Variants in CTNNBL1 observed in about 807,000 individuals in gnomAD.
CTNNBL1 encodes the protein catenin beta like 1, also known as beta-catenin-like protein 1.
Under a neutral mutation model 72.7 loss-of-function variants are expected in CTNNBL1, and 31 were observed. The observed-to-expected ratio is 0.43, with a 90% CI of 0.32 to 0.58. The LOEUF (loss-of-function observed/expected upper bound fraction) is 0.58, where lower values mean the gene tolerates loss of function less well. Among genes scored for constraint, CTNNBL1 ranks in the 20% least tolerant of loss-of-function variants. The pLI, the probability that CTNNBL1 is intolerant of heterozygous loss-of-function variation, is 0.08. For missense variants in CTNNBL1, 534 were observed against 725.1 expected (o/e 0.74, Z 3.03); for synonymous variants, 240 against 267.3 (o/e 0.90, Z 1.00).
chr20:37,796,903 A>T (rs2073779751), intron 10 of CTNNBL1, among the ~76,000 whole-genome samples: 1 of 152,154 alleles, frequency 6.6e-6, no homozygotes, highest in Non-Finnish European at 1.5e-5. Context: ...CATGTTACTT[A>T]CATTCACGGT....
chr20:37,787,555 G>A (rs938977360), intron 10 of CTNNBL1, among the ~76,000 whole-genome samples: 27 of 151,930 alleles, frequency 1.8e-4, no homozygotes, highest in African/African-American at 5.6e-4. Context: ...CGTTTTAGCC[G>A]GGATGGTCTC....
intron 1 of CTNNBL1, among the ~76,000 whole-genome samples, chr20:37,697,264 C>T (rs1276014847): frequency 4.6e-5 from 7 of 152,138 alleles, no homozygotes; most frequent in Non-Finnish European, 7.3e-5. Context: ...GACAACACTC[C>T]TGTCGAAAAT....
intron 1 of CTNNBL1, among the ~76,000 whole-genome samples, chr20:37,702,962 C>T (rs1043892143): frequency 6.6e-6 from 1 of 152,318 alleles, no homozygotes; most frequent in African/African-American, 2.4e-5. Context: ...TGTTGGCCTA[C>T]ATCTCTGTGC....
intron 1 of CTNNBL1, among the ~76,000 whole-genome samples, chr20:37,718,358 G>A (rs1293296406): frequency 1.4e-5 from 2 of 143,142 alleles, no homozygotes; most frequent in African/African-American, 2.8e-5. Flanking sequence ...CAGTAGGGGC[G>A]GCCGGGCAGA....
At position 37,859,908 on chromosome 20, in the gene CTNNBL1, C is replaced by T. The variant is rs779458238; in HGVS notation, c.1402C>T (p.Arg468Trp). 22 of 1,613,492 alleles carry T rather than the reference C, an allele frequency of 1.4e-5. No homozygotes were observed. The highest frequency in any genetic ancestry group is 1.6e-4 in the Middle Eastern group (1 of 6,084). Residue 468 changes from arginine to tryptophan, a missense_variant, in exon 14 of 16, where the codon CGG (arginine) becomes TGG (tryptophan). Physicochemically the swap from Arg to Trp is moderately radical, Grantham distance 101. Transcript: ENST00000361383. ...GTTCATTTGTTTCTAGGACATGGTC[C>T]GGCGAGGAGAGATCATCGACAATGA... is the stretch of plus-strand genomic sequence containing the variant. ...KIEGEKHDMVRRGEIIDNDTE... is the reference protein window; with the variant it reads ...KIEGEKHDMVWRGEIIDNDTE...
intron 1 of CTNNBL1, among the ~76,000 whole-genome samples, chr20:37,696,797 A>G (rs2072797056): frequency 6.6e-6 from 1 of 152,214 alleles, no homozygotes; most frequent in African/African-American, 2.4e-5. Flanking sequence ...TGTTGAATAA[A>G]TGATAACACT....
At chr20:37,698,121 A>G (rs16986890) in intron 1 of CTNNBL1, among the ~76,000 whole-genome samples, 13,670 of 152,196 alleles carry the variant, frequency 0.09, 837 homozygotes, top group African/African-American at 0.17. Context: ...TGAGGGTTCA[A>G]TCTAAGAGTT....
chr20:37,822,543 A>G (rs2072117807), intron 11 of CTNNBL1, among the ~76,000 whole-genome samples: 1 of 152,244 alleles, frequency 6.6e-6, no homozygotes, highest in African/African-American at 2.4e-5. Context: ...TTCAGTTTAT[A>G]GCTTTGTTCA....
chr20:37,849,870 G>C (rs973933836), intron 13 of CTNNBL1, among the ~76,000 whole-genome samples: 2 of 152,232 alleles, frequency 1.3e-5, no homozygotes, highest in Non-Finnish European at 2.9e-5. Context: ...ATCAGTGAAA[G>C]GATGAGAATA....
At chr20:37,780,581 C>T (rs927695711) in intron 10 of CTNNBL1, among the ~76,000 whole-genome samples, 1 of 152,150 alleles carries the variant, frequency 6.6e-6, no homozygotes, top group Non-Finnish European at 1.5e-5. Flanking sequence ...TGAGAGTTTT[C>T]AGTAACTGCA....
intron 1 of CTNNBL1, among the ~76,000 whole-genome samples, chr20:37,699,169 C>T (rs1403353801): frequency 1.3e-5 from 2 of 152,160 alleles, no homozygotes; most frequent in African/African-American, 4.8e-5. Context: ...GAGGAAGGTA[C>T]TGTTGTTAAT....
intron 3 of CTNNBL1, among the ~76,000 whole-genome samples, chr20:37,740,351 G>C (rs560700879): frequency 6.6e-6 from 1 of 152,058 alleles, no homozygotes; most frequent in Non-Finnish European, 1.5e-5. Flanking sequence ...GAAACTTTCC[G>C]GTTGAGATCA....
intron 4 of CTNNBL1, among the ~76,000 whole-genome samples, chr20:37,754,282 CTTT>C (rs369597087): frequency 8.9e-6 from 1 of 111,828 alleles, no homozygotes; most frequent in Non-Finnish European, 1.9e-5. Context: ...TATTTATTTG[CTTT>C]TTTTTTTTTT....
chr20:37,776,873 A>C (rs914023772), intron 7 of CTNNBL1, among the ~76,000 whole-genome samples: 1 of 152,238 alleles, frequency 6.6e-6, no homozygotes, highest in Non-Finnish European at 1.5e-5. Context: ...AAAAAAATCC[A>C]GAAGGAACTA....
Position 37,771,644 on chromosome 20 carries a change from T to A in CTNNBL1, c.750+3600T>A, listed in dbSNP as rs565070123. On this transcript the variant is annotated intron_variant, in intron 7 of 15. Coordinates refer to ENST00000361383, the MANE Select transcript of CTNNBL1 (RefSeq NM_030877.5). The stretch of plus-strand genomic sequence containing the variant: ...TGACCTCTGTGTCTGGCTTTGTTCA[T>A]ACTCCCAACTCTACCAGGAATGACT... Among the ~76,000 whole-genome samples, 10 of 152,196 alleles carry A rather than the reference T, an allele frequency of 6.6e-5. No homozygotes were observed. In the South Asian group the frequency reaches 1.9e-3, roughly 28 times the overall value.
intron 10 of CTNNBL1, among the ~76,000 whole-genome samples, chr20:37,796,153 G>T (rs2073772361): frequency 6.6e-6 from 1 of 152,096 alleles, no homozygotes; most frequent in Admixed American, 6.6e-5. Context: ...ACTATTCCTG[G>T]CCCTCCGTGA....
rs542620741 is a variant in CTNNBL1, at chr20:37,800,951, G to A, written c.1032-1916G>A. Among the ~76,000 whole-genome samples, 3 of 151,360 alleles carry A rather than the reference G, an allele frequency of 2.0e-5. No homozygotes were observed. The South Asian group carries it at 6.2e-4, about 31-fold the overall frequency. On this transcript the variant is annotated intron_variant, in intron 10 of 15. Coordinates refer to ENST00000361383, the MANE Select transcript of CTNNBL1 (RefSeq NM_030877.5). ...CATGACTGATTCATCTTATCACTCA[G>A]TTCTCAACACAATGTTACTCCTTAG... is the stretch of plus-strand genomic sequence containing the variant.
intron 1 of CTNNBL1, among the ~76,000 whole-genome samples, chr20:37,714,071 T>TA (rs148668163): frequency 0.31 from 45,644 of 149,468 alleles, 7,791 homozygotes; most frequent in South Asian, 0.44. Flanking sequence ...TGAAGTACTC[T>TA]AAAAAAAAAA....
Position 37,860,001 on chromosome 20 carries a change from A to G in CTNNBL1, c.1495A>G (p.Ile499Val). 1.2e-6 allele frequency: 2 copies of G among 1,613,950 alleles called. No individual in the cohort carries two copies. Among genetic ancestry groups the G allele is most frequent in the South Asian group, 1.1e-5 (1 of 91,046 alleles). The change falls in exon 14 of 16, where the codon ATC becomes GTC. Residue 499 changes from isoleucine to valine, a missense_variant. Ile to Val is a conservative substitution (Grantham distance 29). Transcript: ENST00000361383. The stretch of plus-strand genomic sequence containing the variant: ...CTTTGTTCTCCAGCACATCTGCTAC[A>G]TCATGGCCGAGATCTGCAATGCCAA... ...GLFVLQHICY[I>V]MAEICNANVP...
Sources: allele counts gnomAD v4.1 joint callset (sites outside exome capture counted in the v4.1 genomes callset), GRCh38; gene constraint gnomAD v4.1.1; transcripts MANE v1.5; gene names NCBI Gene and HGNC (gene_info 2026-07-23, HGNC 2026-07-21).